Variants in RGPD2 observed in about 807,000 individuals in gnomAD.
The protein encoded by RGPD2 is RANBP2-like and GRIP domain-containing protein 2.
In RGPD2, 2 loss-of-function variants were observed where a neutral mutation model predicts 36.0. The ratio of observed to expected loss-of-function variants is 0.06; its 90% CI spans 0.02 to 0.17. The LOEUF (loss-of-function observed/expected upper bound fraction) is 0.17, where lower values mean the gene tolerates loss of function less well. Among genes scored for constraint, RGPD2 ranks in the 10% least tolerant of loss-of-function variants. The pLI is 1.00. For missense variants in RGPD2, 40 were observed against 464.3 expected (o/e 0.09, Z 8.40); for synonymous variants, 19 against 163.8 (o/e 0.12, Z 6.75).
the RGPD2 span, among the ~76,000 whole-genome samples, chr2:87,857,702 G>A: frequency 1.3e-5 from 2 of 150,894 alleles, no homozygotes; most frequent in Non-Finnish European, 2.9e-5. Context: ...ACTTTGGGAG[G>A]CCAAGGTGGG....
chr2:87,839,986 C>A, the RGPD2 span, among the ~76,000 whole-genome samples: 6 of 150,372 alleles, frequency 4.0e-5, no homozygotes, highest in African/African-American at 1.5e-4. Context: ...AATAACTGAC[C>A]AATGAAGAAA....
the RGPD2 span, among the ~76,000 whole-genome samples, chr2:87,984,815 A>G: frequency 3.1e-4 from 47 of 151,662 alleles, no homozygotes; most frequent in South Asian, 2.1e-3. Context: ...CTGTAGTCCC[A>G]GCTACTCGGG....
the RGPD2 span, among the ~76,000 whole-genome samples, chr2:87,984,204 C>A: frequency 6.6e-6 from 1 of 152,134 alleles, no homozygotes; most frequent in African/African-American, 2.4e-5. Flanking sequence ...GTTCACCACA[C>A]CACAAATAAA....
At chr2:87,919,867 G>A in the RGPD2 span, among the ~76,000 whole-genome samples, 2 of 151,540 alleles carry the variant, frequency 1.3e-5, no homozygotes, top group Non-Finnish European at 2.9e-5. Flanking sequence ...GAGAATATAA[G>A]TACCTTGCCC....
chr2:87,883,286 G>T, the RGPD2 span, among the ~76,000 whole-genome samples: 1 of 150,858 alleles, frequency 6.6e-6, no homozygotes, highest in African/African-American at 2.4e-5. Flanking sequence ...AAACCTCAGG[G>T]TAACCACAAA....
chr2:87,970,113 T>C, the RGPD2 span, among the ~76,000 whole-genome samples: 1 of 151,462 alleles, frequency 6.6e-6, no homozygotes, highest in African/African-American at 2.4e-5. Flanking sequence ...TTTTCTTCCT[T>C]TTTTTTCTGA....
the RGPD2 span, among the ~76,000 whole-genome samples, chr2:87,947,333 A>C: frequency 6.6e-6 from 1 of 152,188 alleles, no homozygotes; most frequent in Non-Finnish European, 1.5e-5. Flanking sequence ...ATGGGGTTAA[A>C]AGAATGGACT....
chr2:87,849,551 T>A, the RGPD2 span, among the ~76,000 whole-genome samples: 3 of 148,080 alleles, frequency 2.0e-5, no homozygotes, highest in African/African-American at 5.0e-5. Context: ...ATAGGAATAA[T>A]ATGTGCTAGG....
At chr2:87,865,251 G>A in the RGPD2 span, among the ~76,000 whole-genome samples, 4 of 152,254 alleles carry the variant, frequency 2.6e-5, no homozygotes, top group South Asian at 8.3e-4. Context: ...ACGAAGGCAA[G>A]GTATTAGTTA....
At chr2:87,877,834 A>G in the RGPD2 span, among the ~76,000 whole-genome samples, 1 of 146,986 alleles carries the variant, frequency 6.8e-6, no homozygotes, top group Non-Finnish European at 1.5e-5. Flanking sequence ...AAAAAAAAAA[A>G]AGAATATTGA....
chr2:87,923,243 A>G, the RGPD2 span, among the ~76,000 whole-genome samples: 21 of 152,312 alleles, frequency 1.4e-4, no homozygotes, highest in African/African-American at 4.6e-4. Flanking sequence ...GGAGACAAAA[A>G]AAATAAATTA....
chr2:87,986,238 C>A, the RGPD2 span, among the ~76,000 whole-genome samples: 47 of 150,328 alleles, frequency 3.1e-4, 4 homozygotes, highest in East Asian at 3.4e-3. Context: ...TGAGTTCAAG[C>A]GATTCTCCTG....
At chr2:87,973,891 G>T in the RGPD2 span, among the ~76,000 whole-genome samples, 88,414 of 137,140 alleles carry the variant, frequency 0.64, 27,657 homozygotes, top group East Asian at 0.82. Context: ...AAAACAGTAC[G>T]TGTCACATAG....
At chr2:87,859,098 T>C in the RGPD2 span, among the ~76,000 whole-genome samples, 138 of 31,114 alleles carry the variant, frequency 4.4e-3, no homozygotes, top group African/African-American at 8.4e-3. Flanking sequence ...GATCTTACAA[T>C]GTTGGTCTAG....
At chr2:87,964,496 G>C in the RGPD2 span, among the ~76,000 whole-genome samples, 10,949 of 149,160 alleles carry the variant, frequency 0.073, 3 homozygotes, top group African/African-American at 0.13. Flanking sequence ...TTGACAAATT[G>C]AAAGTTTATG....
intron 7 of RGPD2, among the ~76,000 whole-genome samples, chr2:87,805,867 A>AG (rs1685933978): frequency 6.9e-6 from 1 of 144,056 alleles, no homozygotes; most frequent in African/African-American, 2.5e-5. Context: ...CTCAAAAAAA[A>AG]AAAAAGGCCA....
the RGPD2 span, among the ~76,000 whole-genome samples, chr2:87,897,589 A>G: frequency 1.3e-5 from 2 of 151,238 alleles, no homozygotes; most frequent in Non-Finnish European, 3.0e-5. Flanking sequence ...TATTAAGCCC[A>G]GTATACATTA....
At chr2:87,844,366 A>G in the RGPD2 span, among the ~76,000 whole-genome samples, 2 of 151,392 alleles carry the variant, frequency 1.3e-5, no homozygotes, top group Non-Finnish European at 2.9e-5. Flanking sequence ...TAATTTTATA[A>G]TTATTTAAAA....
chr2:87,984,090 T>C, the RGPD2 span, among the ~76,000 whole-genome samples: 111,055 of 123,758 alleles, frequency 0.9, 50,323 homozygotes, highest in East Asian at 0.99. Flanking sequence ...ACATGAAATA[T>C]GAATAAAAAA....
Sources: gnomAD v4.1 joint callset for allele counts (sites outside exome capture counted in the v4.1 genomes callset) on GRCh38, gnomAD v4.1.1 for gene constraint, MANE v1.5 for transcripts, NCBI Gene and HGNC (gene_info 2026-07-23, HGNC 2026-07-21) for gene names.